ASTN2: variants seen among roughly 807,000 people sequenced by gnomAD.
ASTN2 encodes astrotactin 2, also known as astrotactin-2.
A neutral mutation model predicts 139.8 loss-of-function variants in ASTN2; 54 were observed. That is an observed-to-expected ratio of 0.39 (90% CI 0.31 to 0.48). The LOEUF (loss-of-function observed/expected upper bound fraction) is 0.48. Ranked by LOEUF, ASTN2 falls within the 20% of genes least tolerant of loss-of-function variation. The pLI is 0.95. For synonymous variants in ASTN2, 756 were observed against 719.5 expected (o/e 1.05, Z -0.81); for missense variants, 1,565 against 1,725.1 (o/e 0.91, Z 1.64).
chr9:117,021,573 G>C (rs1855465), intron 6 of ASTN2, among the ~76,000 whole-genome samples: 1 of 152,068 alleles, frequency 6.6e-6, no homozygotes, highest in East Asian at 1.9e-4. Context: ...ATTTAGATGA[G>C]GAAGTCTTTC....
intron 11 of ASTN2, among the ~76,000 whole-genome samples, chr9:116,857,752 T>G (rs2132332118): frequency 6.6e-6 from 1 of 152,270 alleles, no homozygotes; most frequent in Middle Eastern, 3.4e-3. Context: ...AATGGGTAAA[T>G]GGGTAGATTA....
chr9:116,610,689 T>C (rs2131797452), intron 19 of ASTN2, among the ~76,000 whole-genome samples: 1 of 152,278 alleles, frequency 6.6e-6, no homozygotes, highest in East Asian at 1.9e-4. Context: ...ACAAAGTAGA[T>C]TTCAGAACAG....
intron 13 of ASTN2, among the ~76,000 whole-genome samples, chr9:116,778,117 G>T (rs10817932): frequency 0.83 from 126,590 of 152,008 alleles, 53,355 homozygotes; most frequent in Non-Finnish European, 0.91. Flanking sequence ...AGTGCTGGGA[G>T]TACCATGCCT....
Position 117,373,621 on chromosome 9 carries a change from G to A in ASTN2, c.442+40876C>T, listed in dbSNP as rs142091523. Among the ~76,000 whole-genome samples the A allele has an allele frequency of 4.1e-3, 632 of 152,292 alleles. 19 individuals are homozygous for A. Among genetic ancestry groups the A allele is most frequent in the Admixed American group, 0.037 (562 of 15,300 alleles). ...TCAAGAGTTCATAGAAGGAACCCAG[G>A]TGGGAAATCAGACAGCAAACTGGAA... On this transcript the variant is annotated intron_variant, in intron 1 of 22. Transcript: ENST00000313400.
chr9:116,553,445 C>G (rs1481117000), intron 19 of ASTN2, among the ~76,000 whole-genome samples: 1 of 152,194 alleles, frequency 6.6e-6, no homozygotes, highest in East Asian at 1.9e-4. Flanking sequence ...TGTTATGTCA[C>G]TGTTATCCTC....
chr9:117,071,935 G>A (rs145241732), intron 5 of ASTN2, among the ~76,000 whole-genome samples: 8,943 of 152,104 alleles, frequency 0.059, 835 homozygotes, highest in African/African-American at 0.2. Context: ...AGATGAACCC[G>A]GTACCTCAGA....
At chr9:117,198,227 T>C (rs1004986425) in intron 3 of ASTN2, among the ~76,000 whole-genome samples, 2 of 152,052 alleles carry the variant, frequency 1.3e-5, no homozygotes, top group Admixed American at 1.3e-4. Context: ...CCTCTCTCTG[T>C]GTTCATGCAT....
intron 22 of ASTN2, among the ~76,000 whole-genome samples, chr9:116,434,887 T>C (rs941766225): frequency 1.3e-5 from 2 of 152,204 alleles, no homozygotes; most frequent in Non-Finnish European, 1.5e-5. Context: ...TTAAGAGATG[T>C]CCTTTCGTCA....
chr9:116,556,305 T>G (rs1017492626), intron 19 of ASTN2, among the ~76,000 whole-genome samples: 9 of 152,034 alleles, frequency 5.9e-5, no homozygotes, highest in African/African-American at 2.2e-4. Flanking sequence ...GGAGGAGAGG[T>G]CCTACATCCA....
intron 13 of ASTN2, among the ~76,000 whole-genome samples, chr9:116,746,999 C>T (rs1424078890): frequency 3.3e-5 from 5 of 152,184 alleles, no homozygotes; most frequent in South Asian, 2.1e-4. Context: ...TGTGGTACCG[C>T]GATCTCCCTC....
intron 19 of ASTN2, among the ~76,000 whole-genome samples, chr9:116,535,587 A>C (rs561282968): frequency 1.3e-5 from 2 of 152,178 alleles, no homozygotes; most frequent in African/African-American, 4.8e-5. Flanking sequence ...CTTGTCTATA[A>C]AGGATTTTTA....
chr9:116,616,212 TG>T (rs1855846100), intron 19 of ASTN2, among the ~76,000 whole-genome samples: 1 of 152,192 alleles, frequency 6.6e-6, no homozygotes, highest in Admixed American at 6.5e-5. Context: ...AATCAGTGCA[TG>T]TTGAAGTGTT....
At chr9:117,003,915 AT>A (rs1470566894) in intron 7 of ASTN2, among the ~76,000 whole-genome samples, 1 of 148,360 alleles carries the variant, frequency 6.7e-6, no homozygotes, top group Non-Finnish European at 1.5e-5. Context: ...TTGGGTAAGA[AT>A]ATCCTAGAAT....
intron 16 of ASTN2, among the ~76,000 whole-genome samples, chr9:116,703,480 A>G (rs1457171941): frequency 6.6e-6 from 1 of 151,830 alleles, no homozygotes; most frequent in African/African-American, 2.4e-5. Flanking sequence ...GCAAGAACAA[A>G]AAACCAAACA....
chr9:117,047,361 CCTCT>C (rs573961808), intron 5 of ASTN2, among the ~76,000 whole-genome samples: 3 of 151,924 alleles, frequency 2.0e-5, no homozygotes, highest in Non-Finnish European at 4.4e-5. Context: ...CCCATTTCTC[CCTCT>C]CTATCTTTGT....
At chr9:117,186,471 T>C (rs930927503) in intron 3 of ASTN2, among the ~76,000 whole-genome samples, 1 of 152,002 alleles carries the variant, frequency 6.6e-6, no homozygotes, top group Non-Finnish European at 1.5e-5. Flanking sequence ...GGTGCGGGCC[T>C]GGGAGGCAGA....
chr9:117,008,201 C>G lies in ASTN2; in HGVS notation c.1482G>C (p.Pro494=), dbSNP rs3761845. ...TCTGGTAATACAGGGAAAGCTTGGC[C>G]GGGTTTAACCAGTCGGAGATGTCCA... The part of the protein sequence containing the change: ...SYLDISDWLN[P]AKLSLYYQIN... The change falls in exon 7 of 23, where the codon CCG becomes CCC. Residue 494 remains proline, a synonymous_variant. Transcript: ENST00000313400. 6.2e-7 allele frequency: 1 copy of G among 1,610,970 alleles called. No individual in the cohort carries two copies. The highest frequency in any genetic ancestry group is 1.3e-5 in the African/African-American group (1 of 74,900).
chr9:116,801,923 A>G (rs1018621707), intron 13 of ASTN2, among the ~76,000 whole-genome samples: 3 of 152,110 alleles, frequency 2.0e-5, no homozygotes, highest in Non-Finnish European at 2.9e-5. Flanking sequence ...CAGGGCACTT[A>G]GGCTCTGGCT....
intron 16 of ASTN2, among the ~76,000 whole-genome samples, chr9:116,682,394 G>T (rs1259334052): frequency 6.6e-6 from 1 of 152,234 alleles, no homozygotes; most frequent in African/African-American, 2.4e-5. Context: ...TGGAGAGGAT[G>T]TGGAGAAATA....
Sources: gnomAD v4.1 joint callset for allele counts (sites outside exome capture counted in the v4.1 genomes callset) on GRCh38, gnomAD v4.1.1 for gene constraint, MANE v1.5 for transcripts, NCBI Gene and HGNC (gene_info 2026-07-23, HGNC 2026-07-21) for gene names.